The following SPATA16 variants were observed in gnomAD, a reference collection of about 807,000 sequenced individuals.
SPATA16 encodes the protein spermatogenesis-associated protein 16.
A neutral mutation model predicts 63.3 loss-of-function variants in SPATA16; 36 were observed. The ratio of observed to expected loss-of-function variants is 0.57; its 90% CI spans 0.44 to 0.75. The LOEUF is 0.75. Among genes scored for constraint, SPATA16 ranks in the 30% least tolerant of loss-of-function variants. The pLI is 0.00. For synonymous variants in SPATA16, 203 were observed against 216.7 expected (o/e 0.94, Z 0.56); for missense variants, 646 against 679.3 (o/e 0.95, Z 0.54).
At chr3:172,942,428 G>C (rs929546689) in intron 6 of SPATA16, among the ~76,000 whole-genome samples, 2 of 152,024 alleles carry the variant, frequency 1.3e-5, no homozygotes, top group African/African-American at 4.8e-5. Flanking sequence ...ATTAATATCA[G>C]ACAAAATAGA....
chr3:173,089,853 G>A (rs1424664028), intron 2 of SPATA16, among the ~76,000 whole-genome samples: 2 of 152,158 alleles, frequency 1.3e-5, no homozygotes, highest in African/African-American at 4.8e-5. Context: ...GGAAGACAGG[G>A]CCTAAGCCGT....
At chr3:173,027,400 T>G (rs1735475398) in intron 3 of SPATA16, among the ~76,000 whole-genome samples, 1 of 152,022 alleles carries the variant, frequency 6.6e-6, no homozygotes, top group African/African-American at 2.4e-5. Context: ...CTATAACATT[T>G]GTTTATTTTC....
In SPATA16 at chr3:172,925,464, C is replaced by T; in HGVS notation, c.1110G>A (p.Gln370=). The T allele has an allele frequency of 6.2e-7, 1 of 1,614,008 alleles. No homozygotes were observed. The highest frequency in any genetic ancestry group is 8.5e-7 in the Non-Finnish European group (1 of 1,179,948). Reference sequence around the variant, plus strand: ...GAGGAAAAGATGACCAGTCAACTGTCTGAGGCAACATGTGGAGTGCTTGAA... The same window carrying T: ...GAGGAAAAGATGACCAGTCAACTGTTTGAGGCAACATGTGGAGTGCTTGAA... ...TDLQALHMLP[Q]TVDWSSFPPQ... The change falls in exon 7 of 11, where the codon CAG becomes CAA. Residue 370 remains glutamine (Q), a synonymous_variant. Coordinates refer to ENST00000351008, the MANE Select transcript of SPATA16 (RefSeq NM_031955.6).
At chr3:172,938,827 C>T (rs1733074511) in intron 6 of SPATA16, among the ~76,000 whole-genome samples, 1 of 66,272 alleles carries the variant, frequency 1.5e-5, no homozygotes, top group Non-Finnish European at 2.8e-5. Flanking sequence ...AGATCCAGAC[C>T]CCCCCACCCC....
At chr3:172,922,877 G>T (rs994222563) in intron 8 of SPATA16, among the ~76,000 whole-genome samples, 1 of 152,048 alleles carries the variant, frequency 6.6e-6, no homozygotes, top group Non-Finnish European at 1.5e-5. Context: ...AGCCAAGACC[G>T]CACCACTGCA....
At chr3:173,138,006 G>T (rs1389055636) in intron 1 of SPATA16, among the ~76,000 whole-genome samples, 1 of 152,048 alleles carries the variant, frequency 6.6e-6, no homozygotes, top group Non-Finnish European at 1.5e-5. Flanking sequence ...ACAGGAATGA[G>T]AAGTGATTTA....
At chr3:173,091,114 A>T (rs1174170967) in intron 2 of SPATA16, among the ~76,000 whole-genome samples, 1 of 152,162 alleles carries the variant, frequency 6.6e-6, no homozygotes, top group Non-Finnish European at 1.5e-5. Context: ...CTGCACAAAG[A>T]TGATAGGGCA....
intron 2 of SPATA16, among the ~76,000 whole-genome samples, chr3:173,099,987 T>A (rs1214035144): frequency 6.6e-6 from 1 of 152,192 alleles, no homozygotes. Flanking sequence ...CACATAGAAG[T>A]TGGTGTTCTC....
chr3:173,094,282 A>G (rs544289288), intron 2 of SPATA16, among the ~76,000 whole-genome samples: 10 of 152,254 alleles, frequency 6.6e-5, no homozygotes, highest in Non-Finnish European at 1.3e-4. Flanking sequence ...CCCACTATAT[A>G]GTTTGCCTGG....
At chr3:173,008,552 A>G (rs2108269952) in intron 4 of SPATA16, among the ~76,000 whole-genome samples, 1 of 152,368 alleles carries the variant, frequency 6.6e-6, no homozygotes. Context: ...ATTTCATTAA[A>G]TAGATACATT....
chr3:173,024,867 T>C (rs566248507), intron 3 of SPATA16, among the ~76,000 whole-genome samples: 1 of 150,878 alleles, frequency 6.6e-6, no homozygotes, highest in Non-Finnish European at 1.5e-5. Flanking sequence ...AAAATTTATG[T>C]TTTCTTTTTA....
At chr3:172,988,086 G>A (rs1382288978) in intron 4 of SPATA16, among the ~76,000 whole-genome samples, 2 of 152,092 alleles carry the variant, frequency 1.3e-5, no homozygotes, top group East Asian at 3.9e-4. Context: ...AGAGAGTGAG[G>A]AAAACAGTTA....
At chr3:172,952,661 G>T (rs1043491491) in intron 6 of SPATA16, among the ~76,000 whole-genome samples, 7 of 152,172 alleles carry the variant, frequency 4.6e-5, no homozygotes, top group Non-Finnish European at 1.5e-5. Flanking sequence ...AAGAGTTTGG[G>T]CCGGGTGCAG....
intron 4 of SPATA16, 55 bp downstream of exon 4, chr3:173,019,431 G>T: frequency 6.9e-7 from 1 of 1,443,178 alleles, no homozygotes; most frequent in Non-Finnish European, 9.8e-7. Context: ...CAGAATTTGA[G>T]AATAAAATTA....
chr3:172,925,761 T>C (rs1732715458), intron 6 of SPATA16, among the ~76,000 whole-genome samples: 1 of 152,186 alleles, frequency 6.6e-6, no homozygotes, highest in Non-Finnish European at 1.5e-5. Flanking sequence ...GTCTTCAGAA[T>C]AATAGACATT....
At chr3:172,976,234 A>G (rs1340981453) in intron 5 of SPATA16, among the ~76,000 whole-genome samples, 1 of 152,126 alleles carries the variant, frequency 6.6e-6, no homozygotes, top group Non-Finnish European at 1.5e-5. Context: ...TAGAAATTCA[A>G]TTTAAATGAG....
chr3:172,916,236 T>TGA, intron 9 of SPATA16, 81 bp downstream of exon 9: 2 of 1,226,590 alleles, frequency 1.6e-6, no homozygotes, highest in Non-Finnish European at 2.2e-6. Context: ...ACAGGATTTT[T>TGA]TTTTTTTTTT....
rs143067234 is a variant in SPATA16 at position 173,012,872 on chromosome 3, G to A, written c.848+6614C>T. On this transcript the variant is annotated intron_variant, in intron 4 of 10. Coordinates refer to ENST00000351008, the MANE Select transcript of SPATA16 (RefSeq NM_031955.6). ...CCTACCATTCTAGACATTGGCCTTG[G>A]CAAAGAGTTTATGGCAGTGTCCTCA... Among the ~76,000 whole-genome samples, 1,109 of 152,196 alleles carry A rather than the reference G, an allele frequency of 7.3e-3. 24 individuals are homozygous for A. The highest frequency in any genetic ancestry group is 5.7e-3 in the Non-Finnish European group (391 of 68,006).
At chr3:173,118,102 C>G (rs1447555737) in intron 1 of SPATA16, among the ~76,000 whole-genome samples, 1 of 152,074 alleles carries the variant, frequency 6.6e-6, no homozygotes, top group Non-Finnish European at 1.5e-5. Context: ...GTAAATCTAT[C>G]TCAATATTAA....
Sources: gnomAD v4.1 joint callset for allele counts (sites outside exome capture counted in the v4.1 genomes callset) on GRCh38, gnomAD v4.1.1 for gene constraint, MANE v1.5 for transcripts, NCBI Gene and HGNC (gene_info 2026-07-23, HGNC 2026-07-21) for gene names.